The following ATXN1 variants were observed in gnomAD, a reference collection of about 807,000 sequenced individuals.
ATXN1 encodes the protein ataxin 1.
In ATXN1, 8 loss-of-function variants were observed where a neutral mutation model predicts 56.4. The observed-to-expected ratio is 0.14, with a 90% CI of 0.08 to 0.26. The LOEUF is 0.26. Among genes scored for constraint, ATXN1 ranks in the 10% least tolerant of loss-of-function variants. The pLI is 1.00. For synonymous variants in ATXN1, 514 were observed against 494.6 expected (o/e 1.04, Z -0.52); for missense variants, 987 against 1,106.5 (o/e 0.89, Z 1.53).
At chr6:16,371,932 C>T (rs1762049686) in intron 6 of ATXN1, among the ~76,000 whole-genome samples, 1 of 152,004 alleles carries the variant, frequency 6.6e-6, no homozygotes, top group Non-Finnish European at 1.5e-5. Flanking sequence ...GGTCACAGGA[C>T]TTTACATATT....
chr6:16,717,033 G>T (rs536487167), intron 2 of ATXN1, among the ~76,000 whole-genome samples: 20 of 152,358 alleles, frequency 1.3e-4, no homozygotes, highest in South Asian at 2.1e-4. Context: ...TTTATAGTAA[G>T]AACAAAATTT....
At chr6:16,630,027 T>C (rs1049441046) in intron 3 of ATXN1, among the ~76,000 whole-genome samples, 2 of 152,152 alleles carry the variant, frequency 1.3e-5, no homozygotes, top group Admixed American at 6.6e-5. Context: ...TTAGATATTA[T>C]AAAGGTTAAG....
chr6:16,704,051 A>C (rs959630966), intron 2 of ATXN1, among the ~76,000 whole-genome samples: 2 of 152,238 alleles, frequency 1.3e-5, no homozygotes, highest in African/African-American at 4.8e-5. Flanking sequence ...CAACGGTTAA[A>C]GCAGCAGCTT....
At chr6:16,613,242 G>A (rs1430869944) in intron 3 of ATXN1, among the ~76,000 whole-genome samples, 14 of 140,594 alleles carry the variant, frequency 1.0e-4, no homozygotes, top group South Asian at 6.9e-4. Flanking sequence ...TCCGCAGTCC[G>A]GCCTGGGCGA....
intron 2 of ATXN1, among the ~76,000 whole-genome samples, chr6:16,705,874 CA>C: frequency 6.6e-6 from 1 of 152,270 alleles, no homozygotes; most frequent in African/African-American, 2.4e-5. Flanking sequence ...ATAGCACTAA[CA>C]GAATGAAATC....
At chr6:16,468,716 T>C (rs1760157897) in intron 6 of ATXN1, among the ~76,000 whole-genome samples, 1 of 152,220 alleles carries the variant, frequency 6.6e-6, no homozygotes, top group Admixed American at 6.5e-5. Context: ...CTAAGCAGAT[T>C]GTTAACAATG....
intron 2 of ATXN1, among the ~76,000 whole-genome samples, chr6:16,689,662 T>C (rs1486179298): frequency 6.6e-6 from 1 of 152,054 alleles, no homozygotes; most frequent in Non-Finnish European, 1.5e-5. Flanking sequence ...TTATGGGTTA[T>C]AATGTGATGT....
At chr6:16,617,895 T>C (rs1763248547) in intron 3 of ATXN1, among the ~76,000 whole-genome samples, 1 of 151,900 alleles carries the variant, frequency 6.6e-6, no homozygotes, top group Non-Finnish European at 1.5e-5. Flanking sequence ...GAACAACTGA[T>C]CTAATATTTG....
At chr6:16,356,518 G>A (rs1761690976) in intron 6 of ATXN1, among the ~76,000 whole-genome samples, 1 of 152,162 alleles carries the variant, frequency 6.6e-6, no homozygotes, top group African/African-American at 2.4e-5. Flanking sequence ...ATAATTGTTA[G>A]TATTTTCCCC....
intron 2 of ATXN1, among the ~76,000 whole-genome samples, chr6:16,676,612 C>T (rs1036739054): frequency 7.2e-5 from 11 of 151,990 alleles, no homozygotes; most frequent in African/African-American, 7.3e-5. Context: ...GAGTATGCCA[C>T]GATTATGAAA....
Position 16,410,900 on chromosome 6 carries a change from G to A in ATXN1, c.-161+75072C>T, listed in dbSNP as rs1229811277. ...AGCTCTTTGGGAGGCCAATGCAGGC[G>A]GATCACTTGAGGCCAGGAGTTTGAG... On this transcript the variant is annotated intron_variant, in intron 6 of 7. Coordinates refer to ENST00000436367, the MANE Select transcript of ATXN1 (RefSeq NM_001128164.2). This position sits in a 1 kb window ranked among gnomAD's most constrained non-coding sequence, Gnocchi z 4.6. 1.3e-5 allele frequency among the ~76,000 whole-genome samples: 2 copies of A among 152,086 alleles called. No individual in the cohort carries two copies. The highest frequency in any genetic ancestry group is 2.4e-5 in the African/African-American group (1 of 41,410).
intron 6 of ATXN1, among the ~76,000 whole-genome samples, chr6:16,358,567 G>A (rs929623855): frequency 7.2e-5 from 11 of 152,248 alleles, no homozygotes; most frequent in African/African-American, 2.4e-4. Flanking sequence ...ACTGAACACC[G>A]TAATGATGGC....
At chr6:16,580,414 G>T (rs555768755) in intron 4 of ATXN1, among the ~76,000 whole-genome samples, 1 of 152,168 alleles carries the variant, frequency 6.6e-6, no homozygotes, top group African/African-American at 2.4e-5. Flanking sequence ...TTTCTACCTC[G>T]AGTTTTGCCC....
At chr6:16,498,222 T>C (rs1420518480) in intron 5 of ATXN1, among the ~76,000 whole-genome samples, 1 of 152,230 alleles carries the variant, frequency 6.6e-6, no homozygotes, top group Non-Finnish European at 1.5e-5. Context: ...GGATGTTGTG[T>C]ATAAACTGAA....
At chr6:16,345,430 G>A (rs1761355017) in intron 6 of ATXN1, among the ~76,000 whole-genome samples, 1 of 152,180 alleles carries the variant, frequency 6.6e-6, no homozygotes, top group Non-Finnish European at 1.5e-5. Context: ...ACTGGAAGAG[G>A]TGTGTATTTA....
chr6:16,323,223 G>A (rs1455135450), intron 7 of ATXN1, among the ~76,000 whole-genome samples: 1 of 152,132 alleles, frequency 6.6e-6, no homozygotes, highest in Non-Finnish European at 1.5e-5. Context: ...CCCAAGAACA[G>A]AAGAGGGCTG....
chr6:16,576,310 T>C (rs1581855793), intron 4 of ATXN1, among the ~76,000 whole-genome samples: 1 of 152,196 alleles, frequency 6.6e-6, no homozygotes, highest in South Asian at 2.1e-4. Context: ...CATATGATAG[T>C]TCAGCCCAGC....
At chr6:16,383,698 T>C (rs1758180715) in intron 6 of ATXN1, among the ~76,000 whole-genome samples, 1 of 152,164 alleles carries the variant, frequency 6.6e-6, no homozygotes, top group African/African-American at 2.4e-5. Flanking sequence ...AGACAGCATC[T>C]TTTCTGCCCC....
chr6:16,709,779 C>A (rs1345446232), intron 2 of ATXN1, among the ~76,000 whole-genome samples: 2 of 152,098 alleles, frequency 1.3e-5, no homozygotes, highest in East Asian at 3.8e-4. Context: ...AAATTACAGA[C>A]CAATGTTCTT....
Sources: allele counts gnomAD v4.1 joint callset (sites outside exome capture counted in the v4.1 genomes callset), GRCh38; gene constraint gnomAD v4.1.1; non-coding constraint Gnocchi (gnomAD v3.1); transcripts MANE v1.5; gene names NCBI Gene and HGNC (gene_info 2026-07-23, HGNC 2026-07-21).